Variants in HS6ST2 observed in about 807,000 individuals in gnomAD.
HS6ST2 encodes heparan sulfate 6-O-sulfotransferase 2.
Under a neutral mutation model 33.0 loss-of-function variants are expected in HS6ST2, and 17 were observed. The observed-to-expected ratio is 0.52, with a 90% confidence interval of 0.35 to 0.77. The LOEUF is 0.77. Among genes scored for constraint, HS6ST2 ranks in the 30% least tolerant of loss-of-function variants. The probability of loss-of-function intolerance (pLI) is 0.01; values close to 1 mark genes in which losing one functional copy is unlikely to be tolerated. For missense variants in HS6ST2, 519 were observed against 551.7 expected, an observed-to-expected ratio of 0.94 and a Z score of 0.59; for synonymous variants, 248 against 237.1, an observed-to-expected ratio of 1.05 and a Z score of -0.42.
chrX:132,820,946 G>A (rs1296479477), intron 2 of HS6ST2, among the ~76,000 whole-genome samples: 2 of 110,129 alleles, frequency 1.8e-5, no homozygotes, highest in Non-Finnish European at 3.8e-5. Flanking sequence ...CAGTGTCACC[G>A]CAAGGAGGAA....
At chrX:132,884,831 G>A (rs2066230496) in intron 2 of HS6ST2, among the ~76,000 whole-genome samples, 1 of 111,353 alleles carries the variant, frequency 9.0e-6, no homozygotes. Context: ...GGAGCAAGAA[G>A]AGAGATACTG....
chrX:132,844,821 T>C (rs1175956295), intron 2 of HS6ST2, among the ~76,000 whole-genome samples: 1 of 111,038 alleles, frequency 9.0e-6, no homozygotes, highest in Non-Finnish European at 1.9e-5. Context: ...GATAAAGAAA[T>C]CTCAAGGCTA....
intron 3 of HS6ST2, among the ~76,000 whole-genome samples, chrX:132,671,227 A>G (rs2063873627): frequency 8.9e-6 from 1 of 112,002 alleles, no homozygotes; most frequent in Non-Finnish European, 1.9e-5. Context: ...CAATATGCTA[A>G]TATGCTCTGT....
intron 2 of HS6ST2, among the ~76,000 whole-genome samples, chrX:132,849,657 C>G (rs775435989): frequency 1.1e-3 from 126 of 112,036 alleles, no homozygotes; most frequent in Non-Finnish European, 2.1e-3. Context: ...TCTGCTTTAT[C>G]TAATACACGA....
chrX:132,832,755 C>A lies in HS6ST2; in HGVS notation c.947+124053G>T, dbSNP rs762141856. Among the ~76,000 whole-genome samples the A allele has an allele frequency of 5.4e-5, 6 of 111,929 alleles. No homozygotes were observed. The South Asian group carries it at 2.2e-3, about 42-fold the overall frequency. On this transcript the variant is annotated intron_variant, in intron 2 of 4. Coordinates refer to ENST00000370833, the MANE Select transcript of HS6ST2 (RefSeq NM_001394073.1). ...ACACTGTTAGCCTTCTGGAAAATTT[C>A]TTTCTGTTCTATTTTTGTATGTATA...
chrX:132,885,170 C>A (rs961982588), intron 2 of HS6ST2, among the ~76,000 whole-genome samples: 2 of 111,608 alleles, frequency 1.8e-5, no homozygotes, highest in Admixed American at 1.9e-4. Context: ...GACTATTATT[C>A]AGCAATGAAA....
chrX:132,652,243 T>A (rs923107586), intron 4 of HS6ST2, among the ~76,000 whole-genome samples: 5 of 111,854 alleles, frequency 4.5e-5, no homozygotes, highest in Non-Finnish European at 9.4e-5. Flanking sequence ...TTAGCAATTT[T>A]CTTCATTTCT....
At chrX:132,887,466 T>A (rs957705361) in intron 2 of HS6ST2, among the ~76,000 whole-genome samples, 2 of 112,238 alleles carry the variant, frequency 1.8e-5, no homozygotes, top group Non-Finnish European at 3.8e-5. Flanking sequence ...CACTGTACAT[T>A]CACTAGAGTG....
intron 2 of HS6ST2, among the ~76,000 whole-genome samples, chrX:132,794,574 G>GATGATGATGATGATTATTATTATTATT (rs916088563): frequency 4.0e-5 from 4 of 99,068 alleles, no homozygotes; most frequent in East Asian, 3.2e-4. Flanking sequence ...TGATGATGAT[G>GATGATGATGATGATTATTATTATTATT]ATTATTATTA....
At chrX:132,762,681 T>A (rs2064813272) in intron 2 of HS6ST2, among the ~76,000 whole-genome samples, 1 of 111,302 alleles carries the variant, frequency 9.0e-6, no homozygotes, top group Admixed American at 9.6e-5. Flanking sequence ...GACATATTGG[T>A]CCATATTGGC....
intron 2 of HS6ST2, among the ~76,000 whole-genome samples, chrX:132,873,772 T>C (rs1315352882): frequency 9.0e-6 from 1 of 111,283 alleles, no homozygotes; most frequent in African/African-American, 3.3e-5. Context: ...TATGAACTTG[T>C]TAAGAATAGA....
chrX:132,666,605 T>G (rs1332311247), intron 4 of HS6ST2, among the ~76,000 whole-genome samples: 2 of 111,140 alleles, frequency 1.8e-5, no homozygotes, highest in Non-Finnish European at 3.8e-5. Flanking sequence ...ATGTACCAAG[T>G]GCTTGGGACA....
chrX:132,815,345 T>G (rs1236563255), intron 2 of HS6ST2, among the ~76,000 whole-genome samples: 1 of 112,076 alleles, frequency 8.9e-6, no homozygotes, highest in African/African-American at 3.2e-5. Flanking sequence ...ACTCATTTAA[T>G]CTTCACAAGA....
chrX:132,904,409 A>G (rs1054648751), intron 2 of HS6ST2, among the ~76,000 whole-genome samples: 8 of 111,719 alleles, frequency 7.2e-5, no homozygotes, highest in African/African-American at 2.6e-4. Flanking sequence ...TGCGTCTCAT[A>G]GTGCAATATC....
chrX:132,853,375 T>C (rs1368691326), intron 2 of HS6ST2, among the ~76,000 whole-genome samples: 1 of 106,610 alleles, frequency 9.4e-6, no homozygotes, highest in African/African-American at 3.4e-5. Flanking sequence ...CCCAGGCTTG[T>C]CTTGAATTCC....
intron 3 of HS6ST2, among the ~76,000 whole-genome samples, chrX:132,676,794 G>A (rs974318014): frequency 8.9e-6 from 1 of 112,041 alleles, no homozygotes; most frequent in Non-Finnish European, 1.9e-5. Context: ...CAGGAAGCAT[G>A]AGACAATCAC....
intron 2 of HS6ST2, among the ~76,000 whole-genome samples, chrX:132,811,940 G>C (rs1021140570): frequency 9.3e-6 from 1 of 107,178 alleles, no homozygotes; most frequent in Non-Finnish European, 1.9e-5. Flanking sequence ...TTTTGGTTCT[G>C]TATTCATAAG....
At chrX:132,938,932 G>T (rs778182722) in intron 2 of HS6ST2, among the ~76,000 whole-genome samples, 1 of 112,255 alleles carries the variant, frequency 8.9e-6, no homozygotes, top group African/African-American at 3.2e-5. Flanking sequence ...AGTTCTGCAG[G>T]CTGTACAGCT....
At chrX:132,739,102 G>A (rs999491409) in intron 2 of HS6ST2, among the ~76,000 whole-genome samples, 2 of 111,920 alleles carry the variant, frequency 1.8e-5, no homozygotes, top group East Asian at 5.6e-4. Flanking sequence ...GTTCGTGAGA[G>A]GAAAATGTGC....
Sources: gnomAD v4.1 joint callset for allele counts (sites outside exome capture counted in the v4.1 genomes callset) on GRCh38, gnomAD v4.1.1 for gene constraint, MANE v1.5 for transcripts, NCBI Gene and HGNC (gene_info 2026-07-23, HGNC 2026-07-21) for gene names.